AVEN: variants seen among roughly 807,000 people sequenced by gnomAD.
The protein encoded by AVEN is apoptosis and caspase activation inhibitor, also known as cell death regulator Aven.
AVEN carries 41 observed loss-of-function variants against 38.1 expected under a neutral mutation model. The observed-to-expected ratio is 1.08, with a 90% confidence interval of 0.84 to 1.40. AVEN has a LOEUF of 1.40. Among genes scored for constraint, AVEN ranks in the 40% most tolerant of loss-of-function variants. AVEN has a pLI of 0.00. For missense variants in AVEN, 605 were observed against 438.8 expected (o/e 1.38, Z -3.38); for synonymous variants, 206 against 171.8 (o/e 1.20, Z -1.56).
intron 2 of AVEN, among the ~76,000 whole-genome samples, chr15:33,897,385 C>T (rs1003467555): frequency 2.0e-5 from 3 of 152,026 alleles, no homozygotes; most frequent in Admixed American, 6.5e-5. Flanking sequence ...GCAAGCTCCA[C>T]CTCCCAGGTG....
At position 34,063,658 on chromosome 15, in the gene AVEN, A is replaced by G. The variant is rs1597396207; in HGVS notation, n.1127-226T>C. On this transcript the variant is annotated intron_variant and non_coding_transcript_variant, in intron 4 of 11. Coordinates refer to the AVEN transcript ENST00000675287. This position sits in a 1 kb window ranked among gnomAD's most constrained non-coding sequence, Gnocchi z 4.1. The stretch of plus-strand genomic sequence containing the variant: ...TACCCTTCCTCAGAGGATGAGGACA[A>G]GCCCGCCACTGACCCTGTCCTCCAA... The G allele has an allele frequency of 2.5e-6, 4 of 1,614,158 alleles. No individual in the cohort carries two copies. The East Asian group carries it at 8.9e-5, about 36-fold the overall frequency.
At chr15:33,969,857 C>T (rs1343530451) in intron 2 of AVEN, among the ~76,000 whole-genome samples, 1 of 152,006 alleles carries the variant, frequency 6.6e-6, no homozygotes, top group African/African-American at 2.4e-5. Context: ...ATGCAAAGCA[C>T]TAGTGAAGCC....
intron 2 of AVEN, among the ~76,000 whole-genome samples, chr15:33,938,808 G>A (rs1894200204): frequency 6.6e-6 from 1 of 152,156 alleles, no homozygotes; most frequent in Admixed American, 6.6e-5. Context: ...AAACCGACAG[G>A]ATCAGATACA....
At chr15:33,919,930 A>G (rs1453203537) in intron 2 of AVEN, among the ~76,000 whole-genome samples, 2 of 152,104 alleles carry the variant, frequency 1.3e-5, no homozygotes, top group Non-Finnish European at 1.5e-5. Flanking sequence ...TCTGATTACA[A>G]TCTCCTATGT....
intron 3 of AVEN, among the ~76,000 whole-genome samples, chr15:33,874,468 G>C (rs1891138422): frequency 6.6e-6 from 1 of 152,096 alleles, no homozygotes; most frequent in Non-Finnish European, 1.5e-5. Flanking sequence ...ACCTACCAGA[G>C]TCACACTTGT....
chr15:34,046,072 C>G (rs1899670414), intron 5 of AVEN, among the ~76,000 whole-genome samples: 1 of 152,132 alleles, frequency 6.6e-6, no homozygotes, highest in Non-Finnish European at 1.5e-5. Context: ...TCAAAAGGAT[C>G]CACACTCCCA....
intron 2 of AVEN, among the ~76,000 whole-genome samples, chr15:33,961,675 T>A (rs538985810): frequency 1.3e-5 from 2 of 151,266 alleles, no homozygotes; most frequent in East Asian, 1.9e-4. Flanking sequence ...TAGCCGGGCG[T>A]GGTGGCGGGC....
At chr15:34,029,946 G>C (rs1222651153) in intron 1 of AVEN, among the ~76,000 whole-genome samples, 1 of 152,080 alleles carries the variant, frequency 6.6e-6, no homozygotes, top group Non-Finnish European at 1.5e-5. Context: ...GTGAACTCTA[G>C]ATTCACAATA....
chr15:33,964,448 A>T (rs1198392296), intron 2 of AVEN, among the ~76,000 whole-genome samples: 1 of 152,220 alleles, frequency 6.6e-6, no homozygotes, highest in Admixed American at 6.5e-5. Flanking sequence ...AGATTCATTT[A>T]AAGTGTCTAA....
chr15:33,877,808 G>A (rs1419477560), intron 2 of AVEN, among the ~76,000 whole-genome samples: 1 of 152,160 alleles, frequency 6.6e-6, no homozygotes, highest in African/African-American at 2.4e-5. Context: ...AAATAGCCGA[G>A]CATGGTGGCA....
At chr15:33,930,954 CAAAAAAAA>C (rs61006422) in intron 2 of AVEN, among the ~76,000 whole-genome samples, 1 of 111,842 alleles carries the variant, frequency 8.9e-6, no homozygotes, top group African/African-American at 3.4e-5. Flanking sequence ...GACTCTGTCT[CAAAAAAAA>C]AAAAAAAAAA....
At chr15:33,992,668 GA>G (rs11294665) in intron 2 of AVEN, among the ~76,000 whole-genome samples, 151,133 of 152,280 alleles carry the variant, frequency 0.99, 75,009 homozygotes, top group Middle Eastern at 1. Context: ...CAAGAAGAGG[GA>G]AAAAAATGAG....
intron 2 of AVEN, among the ~76,000 whole-genome samples, chr15:33,891,177 C>G (rs2153040476): frequency 6.6e-6 from 1 of 151,704 alleles, no homozygotes; most frequent in Non-Finnish European, 1.5e-5. Context: ...AATAAGCAAG[C>G]TTTAGAAATT....
At chr15:33,923,057 T>C (rs1013163595) in intron 2 of AVEN, among the ~76,000 whole-genome samples, 1 of 152,222 alleles carries the variant, frequency 6.6e-6, no homozygotes, top group Non-Finnish European at 1.5e-5. Flanking sequence ...TTAGAACACA[T>C]ATTTTAAGAA....
At chr15:33,897,890 G>A (rs4265777) in intron 2 of AVEN, among the ~76,000 whole-genome samples, 124,344 of 151,572 alleles carry the variant, frequency 0.82, 55,042 homozygotes, top group Non-Finnish European at 0.98. Flanking sequence ...AAAAAGCAAA[G>A]CAAAAAATAG....
intron 1 of AVEN, among the ~76,000 whole-genome samples, chr15:34,023,877 A>C (rs372742851): frequency 6.6e-6 from 1 of 152,298 alleles, no homozygotes. Flanking sequence ...TGGCCAGGGA[A>C]ATTTAAACTC....
chr15:33,857,427 TCA>T (rs546300978), downstream of AVEN, among the ~76,000 whole-genome samples: 119 of 152,128 alleles, frequency 7.8e-4, no homozygotes, highest in Non-Finnish European at 1.6e-3. Context: ...CTTAACAACC[TCA>T]GTTTAACTTA....
intron 1 of AVEN, among the ~76,000 whole-genome samples, chr15:34,015,972 T>C (rs1897886294): frequency 6.6e-6 from 1 of 152,160 alleles, no homozygotes; most frequent in Non-Finnish European, 1.5e-5. Flanking sequence ...CAGTAACCAT[T>C]ATGTGACATA....
intron 2 of AVEN, among the ~76,000 whole-genome samples, chr15:33,881,692 C>T (rs115972650): frequency 6.6e-6 from 1 of 152,216 alleles, no homozygotes; most frequent in Non-Finnish European, 1.5e-5. Flanking sequence ...TATGGTGATT[C>T]ACCAAATGTG....
Sources: allele counts gnomAD v4.1 joint callset (sites outside exome capture counted in the v4.1 genomes callset), GRCh38; gene constraint gnomAD v4.1.1; non-coding constraint Gnocchi (gnomAD v3.1); transcripts MANE v1.5; gene names NCBI Gene and HGNC (gene_info 2026-07-23, HGNC 2026-07-21).